The following SPATA13 variants were observed in gnomAD, a reference collection of about 807,000 sequenced individuals.
SPATA13 encodes spermatogenesis-associated protein 13.
SPATA13 carries 50 observed loss-of-function variants against 104.0 expected under a neutral mutation model. The ratio of observed to expected loss-of-function variants is 0.48; its 90% CI spans 0.38 to 0.61. The LOEUF is 0.61. Ranked by LOEUF, SPATA13 falls within the 20% of genes least tolerant of loss-of-function variation. The pLI is 0.00. For synonymous variants in SPATA13, 606 were observed against 667.5 expected (o/e 0.91, Z 1.42); for missense variants, 1,524 against 1,690.6 (o/e 0.90, Z 1.73).
At chr13:24,292,103 C>T (rs1256774680) in intron 9 of SPATA13, among the ~76,000 whole-genome samples, 8 of 152,358 alleles carry the variant, frequency 5.3e-5, no homozygotes, top group African/African-American at 9.6e-5. Flanking sequence ...ATTCTTCTCA[C>T]GCCCTTGTTC....
At chr13:24,087,533 C>A (rs1879772876) in intron 3 of SPATA13, among the ~76,000 whole-genome samples, 1 of 152,174 alleles carries the variant, frequency 6.6e-6, no homozygotes, top group African/African-American at 2.4e-5. Flanking sequence ...TTTCAGGCAC[C>A]TATGCAGGTG....
At chr13:24,053,452 T>A (rs1384042542) in intron 3 of SPATA13, among the ~76,000 whole-genome samples, 1 of 152,156 alleles carries the variant, frequency 6.6e-6, no homozygotes, top group Non-Finnish European at 1.5e-5. Flanking sequence ...CAACACCTCC[T>A]ATTGGAGATG....
chr13:24,067,464 A>G (rs546674306), intron 3 of SPATA13, among the ~76,000 whole-genome samples: 1 of 152,356 alleles, frequency 6.6e-6, no homozygotes, highest in South Asian at 2.1e-4. Context: ...TTTCCATCAA[A>G]TACCAAGCCC....
chr13:24,191,516 T>C (rs1347011592), intron 1 of SPATA13, among the ~76,000 whole-genome samples: 1 of 128,440 alleles, frequency 7.8e-6, no homozygotes, highest in Non-Finnish European at 1.6e-5. Flanking sequence ...TTTTTTTTTT[T>C]TTTTTTTTTT....
intron 3 of SPATA13, among the ~76,000 whole-genome samples, chr13:24,057,540 C>G (rs1878607900): frequency 6.6e-6 from 1 of 152,120 alleles, no homozygotes; most frequent in South Asian, 2.1e-4. Context: ...GTCTTATGAC[C>G]AAAGGCACTG....
At chr13:24,098,973 G>A (rs1351061914) in intron 3 of SPATA13, among the ~76,000 whole-genome samples, 1 of 151,460 alleles carries the variant, frequency 6.6e-6, no homozygotes, top group African/African-American at 2.4e-5. Context: ...GTAATGTCAT[G>A]TGCCTATAAT....
rs1043785834 is a variant in SPATA13 at position 24,123,693 on chromosome 13, TG to T, written c.-111-99125del. ...GCATATATATTCGTAAGGGTCTTCT[TG>T]CCAAAGTTCCTCATCAGCATCTGTA... On this transcript the variant is annotated intron_variant, in intron 3 of 14. Coordinates refer to the SPATA13 transcript ENST00000424834. 449 of 1,579,672 alleles carry T rather than the reference TG, an allele frequency of 2.8e-4. 5 individuals are homozygous for T. The highest frequency in any genetic ancestry group is 1.4e-3 in the Middle Eastern group (7 of 5,054).
intron 1 of SPATA13, among the ~76,000 whole-genome samples, chr13:24,172,026 G>T (rs9578685): frequency 0.31 from 47,278 of 151,962 alleles, 7,573 homozygotes; most frequent in East Asian, 0.55. Context: ...TGGAACTAAG[G>T]ATCTTGACGT....
intron 3 of SPATA13, among the ~76,000 whole-genome samples, chr13:24,076,168 T>C (rs1379386963): frequency 6.6e-6 from 1 of 152,178 alleles, no homozygotes; most frequent in African/African-American, 2.4e-5. Flanking sequence ...TTCTTAGAAA[T>C]TCTTGAGGAA....
intron 2 of SPATA13, among the ~76,000 whole-genome samples, chr13:24,225,977 G>A (rs1391228703): frequency 2.0e-5 from 3 of 152,184 alleles, no homozygotes; most frequent in African/African-American, 7.2e-5. Context: ...GAGCTTTATT[G>A]GGTGACTGAA....
At chr13:24,186,077 A>C (rs543253577) in intron 1 of SPATA13, among the ~76,000 whole-genome samples, 1 of 152,186 alleles carries the variant, frequency 6.6e-6, no homozygotes, top group Non-Finnish European at 1.5e-5. Context: ...AATCACATCT[A>C]GAAAAGATCT....
At chr13:24,271,243 C>T (rs1262010871) in intron 4 of SPATA13, among the ~76,000 whole-genome samples, 1 of 151,978 alleles carries the variant, frequency 6.6e-6, no homozygotes, top group African/African-American at 2.4e-5. Flanking sequence ...ACCATCCTTC[C>T]TGAGGAAGGG....
At chr13:24,038,129 G>A (rs1319050575) in intron 3 of SPATA13, among the ~76,000 whole-genome samples, 5 of 152,028 alleles carry the variant, frequency 3.3e-5, no homozygotes, top group Non-Finnish European at 7.3e-5. Context: ...TAGCCAGGAT[G>A]GTCTCGATCT....
chr13:23,989,874 T>C (rs1875327154), intron 2 of SPATA13, among the ~76,000 whole-genome samples: 1 of 152,128 alleles, frequency 6.6e-6, no homozygotes, highest in South Asian at 2.1e-4. Context: ...CCACTTCCAC[T>C]ATGTGAGGAT....
At chr13:24,020,201 T>C (rs1876916973) in intron 3 of SPATA13, among the ~76,000 whole-genome samples, 1 of 152,232 alleles carries the variant, frequency 6.6e-6, no homozygotes, top group Non-Finnish European at 1.5e-5. Flanking sequence ...CTGTGTGTTT[T>C]AATGTTTTGG....
At chr13:24,276,810 A>G (rs1875020204) in intron 4 of SPATA13, among the ~76,000 whole-genome samples, 1 of 152,188 alleles carries the variant, frequency 6.6e-6, no homozygotes, top group African/African-American at 2.4e-5. Flanking sequence ...TTCAAAGCCT[A>G]TTGAAGTTAG....
chr13:24,018,443 G>T (rs1761325519), intron 3 of SPATA13, among the ~76,000 whole-genome samples: 2 of 152,206 alleles, frequency 1.3e-5, no homozygotes, highest in South Asian at 2.1e-4. Flanking sequence ...GGTAATAAAT[G>T]AAATATCTTT....
intron 2 of SPATA13, chr13:23,984,057 G>C (rs1875036413): frequency 1.9e-6 from 1 of 533,812 alleles, no homozygotes; most frequent in African/African-American, 2.1e-5. Flanking sequence ...TTTTCACTGA[G>C]GCATTGAGCA....
Position 24,123,229 on chromosome 13 carries a change from A to G in SPATA13, c.-111-99590A>G, listed in dbSNP as rs1423548147. 46 of 1,595,958 alleles carry G rather than the reference A, an allele frequency of 2.9e-5. No individual in the cohort carries two copies. In the Admixed American group the frequency reaches 7.7e-4, roughly 27 times the overall value. On this transcript the variant is annotated intron_variant, in intron 3 of 14. Coordinates refer to the SPATA13 transcript ENST00000424834. ...TTAGCTTTTTCTTGATTGCTGATCA[A>G]TACTTGAAGGGCAATGGCAGCTTCC...
Sources: allele counts gnomAD v4.1 joint callset (sites outside exome capture counted in the v4.1 genomes callset), GRCh38; gene constraint gnomAD v4.1.1; transcripts MANE v1.5; gene names NCBI Gene and HGNC (gene_info 2026-07-23, HGNC 2026-07-21).